The following UBP1 variants were observed in gnomAD, a reference collection of about 807,000 sequenced individuals.
UBP1 encodes upstream-binding protein 1.
Under a neutral mutation model 76.1 loss-of-function variants are expected in UBP1, and 22 were observed. That is an observed-to-expected ratio of 0.29 (90% CI 0.21 to 0.41). The LOEUF (loss-of-function observed/expected upper bound fraction) is 0.41. UBP1 is among the 10% of genes least tolerant of loss of function. The probability of loss-of-function intolerance (pLI) is 1.00; values close to 1 mark genes in which losing one functional copy is unlikely to be tolerated. For missense variants in UBP1, 436 were observed against 668.1 expected (o/e 0.65, Z 3.83); for synonymous variants, 224 against 237.1 (o/e 0.94, Z 0.51).
At chr3:33,401,230 G>T (rs536394292) in intron 9 of UBP1, among the ~76,000 whole-genome samples, 1 of 152,252 alleles carries the variant, frequency 6.6e-6, no homozygotes, top group South Asian at 2.1e-4. Context: ...GTCTTAATTT[G>T]TGCCTTCTTC....
intron 2 of UBP1, among the ~76,000 whole-genome samples, chr3:33,422,316 G>C (rs769618430): frequency 3.9e-5 from 6 of 152,096 alleles, no homozygotes; most frequent in Non-Finnish European, 7.3e-5. Context: ...TGAGGCAGGA[G>C]GACTGCTTGA....
intron 2 of UBP1, among the ~76,000 whole-genome samples, chr3:33,417,642 AT>A (rs1575479992): frequency 6.6e-6 from 1 of 152,236 alleles, no homozygotes; most frequent in East Asian, 1.9e-4. Flanking sequence ...AATTAGGAAA[AT>A]GCTGCTGTAA....
chr3:33,397,052 T>C lies in UBP1; in HGVS notation c.1264A>G (p.Lys422Glu). 6.3e-7 allele frequency: 1 copy of C among 1,592,372 alleles called. No homozygotes were observed. Among genetic ancestry groups the C allele is most frequent in the Non-Finnish European group, 8.5e-7 (1 of 1,171,148 alleles). Residue 422 changes from lysine (K) to glutamate (E), a missense_variant, in exon 12 of 16, where the codon AAG becomes GAG. Physicochemically the swap from Lys to Glu is moderately conservative, Grantham distance 56 (BLOSUM62 1). This residue lies in a region of UBP1 where 210 missense variants were observed against 272.8 expected (regional missense o/e 0.77). Transcript: ENST00000283629. ...ADGIRLYNSLKSRSVRPRLTI... is the reference protein window; with the variant it reads ...ADGIRLYNSLESRSVRPRLTI... ...CAGTTCACAGTATTTTACCTTGACT[T>C]CAGTGAATTATAGAGCCGAATTCCA...
chr3:33,396,955 C>T (rs1559668525), intron 12 of UBP1, 90 bp downstream of exon 12: 2 of 1,201,914 alleles, frequency 1.7e-6, no homozygotes, highest in Admixed American at 3.6e-5. Flanking sequence ...GCACACACGC[C>T]AACCTAGCGT....
At chr3:33,395,767 A>G (rs1404281283) in intron 13 of UBP1, among the ~76,000 whole-genome samples, 12 of 141,788 alleles carry the variant, frequency 8.5e-5, no homozygotes, top group East Asian at 2.5e-4. Flanking sequence ...AAAAAAAAAA[A>G]AAAAAAGAAA....
At chr3:33,439,363 A>G (rs1032353972) in intron 1 of UBP1, among the ~76,000 whole-genome samples, 12 of 152,274 alleles carry the variant, frequency 7.9e-5, no homozygotes, top group Admixed American at 1.3e-4. Context: ...TTCTCCCAAT[A>G]TAAGTGCTGC....
At chr3:33,398,879 T>C (rs1347280169) in intron 11 of UBP1, among the ~76,000 whole-genome samples, 1 of 152,206 alleles carries the variant, frequency 6.6e-6, no homozygotes, top group East Asian at 1.9e-4. Context: ...CCCTGAAATT[T>C]TACAATTTCT....
At chr3:33,427,256 C>T (rs963500961) in intron 1 of UBP1, among the ~76,000 whole-genome samples, 3 of 152,334 alleles carry the variant, frequency 2.0e-5, no homozygotes, top group South Asian at 2.1e-4. Flanking sequence ...TGAGCCATCA[C>T]GCCCCGCCTC....
intron 13 of UBP1, among the ~76,000 whole-genome samples, chr3:33,393,739 A>C (rs891383035): frequency 1.3e-5 from 2 of 152,180 alleles, no homozygotes; most frequent in African/African-American, 4.8e-5. Flanking sequence ...ATTTTTCTTC[A>C]TATTTTTATT....
chr3:33,429,872 A>G (rs1272347736), intron 1 of UBP1, among the ~76,000 whole-genome samples: 1 of 152,228 alleles, frequency 6.6e-6, no homozygotes, highest in African/African-American at 2.4e-5. Flanking sequence ...ACCCTCTCAT[A>G]GCCTTTGAAA....
intron 1 of UBP1, among the ~76,000 whole-genome samples, chr3:33,433,742 A>C (rs936428665): frequency 5.3e-5 from 8 of 152,058 alleles, no homozygotes; most frequent in Middle Eastern, 3.2e-3. Context: ...AATAATACAG[A>C]GCCTCCTTTC....
chr3:33,436,357 C>T (rs2045204752), intron 1 of UBP1, among the ~76,000 whole-genome samples: 1 of 152,164 alleles, frequency 6.6e-6, no homozygotes, highest in Admixed American at 6.5e-5. Context: ...AAACATTTTA[C>T]CTTTCAATCA....
At chr3:33,413,126 G>A (rs1425117413) in intron 3 of UBP1, among the ~76,000 whole-genome samples, 2 of 152,144 alleles carry the variant, frequency 1.3e-5, no homozygotes, top group Non-Finnish European at 2.9e-5. Flanking sequence ...TAAAATTAAT[G>A]AGCAAGAATT....
chr3:33,440,839 G>T (rs1265789960), upstream of UBP1: 1 of 152,258 alleles, frequency 6.6e-6, no homozygotes, highest in Non-Finnish European at 1.5e-5. Context: ...GCCACTTCCG[G>T]AGGTGATTTG....
chr3:33,402,781 C>T lies in UBP1; in HGVS notation c.1031+20G>A, dbSNP rs765082720. On this transcript the variant is annotated intron_variant, in intron 9 of 15. Coordinates refer to ENST00000283629, the MANE Select transcript of UBP1 (RefSeq NM_014517.5). Reference sequence around the variant, plus strand: ...TGAGCATTAGTTAGCTGCAGGCACACGATCACACAAACTAGATACCTGTCT... The same window carrying T: ...TGAGCATTAGTTAGCTGCAGGCACATGATCACACAAACTAGATACCTGTCT... 37 of 1,503,752 alleles carry T rather than the reference C, an allele frequency of 2.5e-5. No individual in the cohort carries two copies. The highest frequency in any genetic ancestry group is 1.7e-4 in the Admixed American group (7 of 41,602). 93.2% of individuals were successfully genotyped at this position (1,503,752 alleles called of 1,614,324 possible).
At chr3:33,422,852 G>C (rs2044935035) in intron 2 of UBP1, among the ~76,000 whole-genome samples, 1 of 151,996 alleles carries the variant, frequency 6.6e-6, no homozygotes, top group Non-Finnish European at 1.5e-5. Context: ...TTAAAAACTT[G>C]TTTAAGGATT....
chr3:33,437,131 C>T (rs1483861887), intron 1 of UBP1, among the ~76,000 whole-genome samples: 3 of 152,062 alleles, frequency 2.0e-5, no homozygotes, highest in African/African-American at 4.8e-5. Flanking sequence ...ACATGAGAAC[C>T]AGAGCCAAAA....
intron 8 of UBP1, among the ~76,000 whole-genome samples, chr3:33,408,117 G>GT (rs950022490): frequency 4.3e-4 from 64 of 147,550 alleles, no homozygotes; most frequent in Non-Finnish European, 3.8e-4. Context: ...TCCCATCAGA[G>GT]TTTTTTTTTT....
intron 3 of UBP1, 91 bp from the exon 4 acceptor site, chr3:33,412,918 G>A (rs933303342): frequency 2.8e-5 from 23 of 809,990 alleles, no homozygotes; most frequent in Non-Finnish European, 3.2e-5. Flanking sequence ...ACCTGTAGCA[G>A]TAGAACACAT....
Sources: allele counts gnomAD v4.1 joint callset (sites outside exome capture counted in the v4.1 genomes callset), GRCh38; gene constraint gnomAD v4.1.1; regional missense constraint gnomAD v4.1.1; transcripts MANE v1.5; gene names NCBI Gene and HGNC (gene_info 2026-07-23, HGNC 2026-07-21).